Variants in CREBBP observed in about 807,000 individuals in gnomAD.
CREBBP encodes the protein CREB-binding protein.
A neutral mutation model predicts 265.0 loss-of-function variants in CREBBP; 19 were observed. The observed-to-expected ratio is 0.07, with a 90% CI of 0.05 to 0.11. The LOEUF (loss-of-function observed/expected upper bound fraction) is 0.11, where lower values mean the gene tolerates loss of function less well. Ranked by LOEUF, CREBBP falls within the 10% of genes least tolerant of loss-of-function variation. The probability of loss-of-function intolerance (pLI) is 1.00; values close to 1 mark genes in which losing one functional copy is unlikely to be tolerated. For missense variants in CREBBP, 2,525 were observed against 3,219.0 expected (o/e 0.78, Z 5.22); for synonymous variants, 1,457 against 1,223.7 (o/e 1.19, Z -3.98).
chr16:3,793,794 CA>C (rs2053553112), intron 3 of CREBBP, among the ~76,000 whole-genome samples, 168 bp from the exon 4 acceptor site: 1 of 151,828 alleles, frequency 6.6e-6, no homozygotes, highest in Admixed American at 6.6e-5. Context: ...TCCAGCAGCA[CA>C]GAAATCAACC....
intron 2 of CREBBP, among the ~76,000 whole-genome samples, chr16:3,818,758 G>A (rs1237958890): frequency 1.3e-5 from 2 of 152,174 alleles, no homozygotes; most frequent in Non-Finnish European, 2.9e-5. Flanking sequence ...GCTTTGGGGG[G>A]TGTCACTGAT....
chr16:3,835,135 G>A, intron 2 of CREBBP, among the ~76,000 whole-genome samples: 1 of 152,018 alleles, frequency 6.6e-6, no homozygotes, highest in Non-Finnish European at 1.5e-5. Flanking sequence ...CTCCGGCCTG[G>A]GCAAAAGAGC....
chr16:3,844,633 C>CA (rs898849958), intron 2 of CREBBP, among the ~76,000 whole-genome samples: 6 of 151,836 alleles, frequency 4.0e-5, no homozygotes, highest in Non-Finnish European at 7.4e-5. Context: ...TAAACACTGG[C>CA]AAAAAATATT....
intron 26 of CREBBP, among the ~76,000 whole-genome samples, chr16:3,737,389 T>G (rs1336172913): frequency 6.6e-6 from 1 of 151,620 alleles, no homozygotes; most frequent in Non-Finnish European, 1.5e-5. Context: ...CAAAGTAGAT[T>G]AGTGGTCGCC....
intron 1 of CREBBP, among the ~76,000 whole-genome samples, chr16:3,855,607 G>A (rs150762607): frequency 1.3e-5 from 2 of 152,160 alleles, no homozygotes; most frequent in East Asian, 3.8e-4. Context: ...TGTTATTGTA[G>A]AAGGTCCTTC....
chr16:3,820,615 G>A (rs1307447950), intron 2 of CREBBP, among the ~76,000 whole-genome samples: 1 of 152,162 alleles, frequency 6.6e-6, no homozygotes, highest in Non-Finnish European at 1.5e-5. Flanking sequence ...TTGTCTTCTT[G>A]GGTTAAGATC....
intron 1 of CREBBP, among the ~76,000 whole-genome samples, chr16:3,873,071 TTC>T (rs2055333064): frequency 6.6e-6 from 1 of 152,228 alleles, no homozygotes; most frequent in Non-Finnish European, 1.5e-5. Flanking sequence ...AGGTTTCATC[TTC>T]TCAAGATGGT....
intron 2 of CREBBP, among the ~76,000 whole-genome samples, chr16:3,838,796 A>G (rs1270391566): frequency 6.6e-6 from 1 of 151,896 alleles, no homozygotes; most frequent in Non-Finnish European, 1.5e-5. Flanking sequence ...CAATCCTCCC[A>G]CCTCCGCCTC....
At chr16:3,735,908 T>C in intron 28 of CREBBP, 128 bp downstream of exon 28, 6 of 1,458,332 alleles carry the variant, frequency 4.1e-6, no homozygotes, top group Non-Finnish European at 5.7e-6. Flanking sequence ...GCAGGTGGTG[T>C]CGACGTGCAT....
intron 20 of CREBBP, 90 bp downstream of exon 20, chr16:3,751,636 C>G: frequency 1.5e-6 from 2 of 1,296,534 alleles, no homozygotes; most frequent in Non-Finnish European, 2.2e-6. Context: ...AAAATGGCAC[C>G]GGTACCTTCC....
chr16:3,858,573 G>A (rs753370493), intron 1 of CREBBP, among the ~76,000 whole-genome samples: 2 of 152,212 alleles, frequency 1.3e-5, no homozygotes, highest in South Asian at 2.1e-4. Context: ...AAAATGCTTC[G>A]TATGTACTAG....
At chr16:3,737,851 A>G (rs1296198622) in intron 26 of CREBBP, among the ~76,000 whole-genome samples, 1 of 151,762 alleles carries the variant, frequency 6.6e-6, no homozygotes, top group Non-Finnish European at 1.5e-5. Context: ...CAGTGGCACA[A>G]TCTCAGCTCA....
intron 16 of CREBBP, among the ~76,000 whole-genome samples, chr16:3,761,279 G>GT (rs1411427686): frequency 1.3e-5 from 2 of 152,098 alleles, no homozygotes; most frequent in East Asian, 3.9e-4. Context: ...CTTACAACAG[G>GT]TAAGTGGTAA....
At chr16:3,833,379 T>C (rs1359033036) in intron 2 of CREBBP, among the ~76,000 whole-genome samples, 4 of 152,176 alleles carry the variant, frequency 2.6e-5, no homozygotes, top group Non-Finnish European at 5.9e-5. Context: ...ACCACTGCAC[T>C]TCAGCTTGGG....
At chr16:3,754,952 C>T (rs2052555100) in intron 19 of CREBBP, among the ~76,000 whole-genome samples, 1 of 152,198 alleles carries the variant, frequency 6.6e-6, no homozygotes, top group South Asian at 2.1e-4. Flanking sequence ...AATCAGGCCA[C>T]TGCTTTCTCA....
chr16:3,761,598 C>A lies in CREBBP; in HGVS notation c.3251-2626G>T, dbSNP rs749115789. 3.5e-5 allele frequency: 18 copies of A among 518,416 alleles called. No individual in the cohort carries two copies. The Admixed American group carries it at 3.5e-4, about 10-fold the overall frequency. 32.1% of individuals were successfully genotyped at this position (518,416 alleles called of 1,614,324 possible). On this transcript the variant is annotated intron_variant, in intron 16 of 30. Transcript: ENST00000262367. ...CTTGACCAACCTCCGCAGACACCGCCTCCTCTCCAGGGCACGTGGCTGCTT... is the reference window on the plus strand; with the variant it reads ...CTTGACCAACCTCCGCAGACACCGCATCCTCTCCAGGGCACGTGGCTGCTT...
chr16:3,866,594 ATTT>A (rs923359817), intron 1 of CREBBP, among the ~76,000 whole-genome samples: 17 of 152,284 alleles, frequency 1.1e-4, no homozygotes, highest in African/African-American at 3.4e-4. Flanking sequence ...TTTGTTTTGA[ATTT>A]TTTTAACTAG....
At chr16:3,782,996 A>G in intron 5 of CREBBP, 70 bp from the exon 6 acceptor site, 1 of 1,595,916 alleles carries the variant, frequency 6.3e-7, no homozygotes, top group Non-Finnish European at 8.6e-7. Context: ...CGAATGATTT[A>G]AAAACTATTG....
chr16:3,729,078 G>T lies in CREBBP; in HGVS notation c.5969C>A (p.Thr1990Asn), dbSNP rs1555471216. The T allele has an allele frequency of 1.3e-6, 2 of 1,584,976 alleles. No individual in the cohort carries two copies. Among genetic ancestry groups the T allele is most frequent in the Non-Finnish European group, 1.7e-6 (2 of 1,171,184 alleles). Residue 1990 changes from threonine (T) to asparagine (N), a missense_variant, in exon 31 of 31, where the codon ACC (threonine) becomes AAC (asparagine). Coordinates refer to ENST00000262367, the MANE Select transcript of CREBBP (RefSeq NM_004380.3). ...CACGGGGGCCATCTGGCTCCCCGGG[G>T]TCCCCATGCCCGTGCGTCCTGGGGG... ...SMPPGRTGMG[T>N]PGSQMAPVSL...
Sources: allele counts gnomAD v4.1 joint callset (sites outside exome capture counted in the v4.1 genomes callset), GRCh38; gene constraint gnomAD v4.1.1; transcripts MANE v1.5; gene names NCBI Gene and HGNC (gene_info 2026-07-23, HGNC 2026-07-21).